Variants in LHFPL4 observed in about 807,000 individuals in gnomAD.
LHFPL4 encodes the protein LHFPL tetraspan subfamily member 4, also known as LHFPL tetraspan subfamily member 4 protein.
Under a neutral mutation model 20.0 loss-of-function variants are expected in LHFPL4, and 6 were observed. That is an observed-to-expected ratio of 0.30 (90% CI 0.16 to 0.59). LHFPL4 has a LOEUF of 0.59. Ranked by LOEUF, LHFPL4 falls within the 20% of genes least tolerant of loss-of-function variation. The pLI is 0.88. For synonymous variants in LHFPL4, 129 were observed against 143.8 expected, an observed-to-expected ratio of 0.90 and a Z score of 0.74; for missense variants, 215 against 331.2, an observed-to-expected ratio of 0.65 and a Z score of 2.72.
chr3:9,546,273 C>T (rs890151617), intron 2 of LHFPL4, among the ~76,000 whole-genome samples: 9 of 150,990 alleles, frequency 6.0e-5, no homozygotes, highest in Non-Finnish European at 5.9e-5. Context: ...TGAGATCGCA[C>T]CACTGCACTC....
intron 2 of LHFPL4, among the ~76,000 whole-genome samples, chr3:9,507,480 A>G (rs1392415300): frequency 6.6e-6 from 1 of 152,246 alleles, no homozygotes; most frequent in Non-Finnish European, 1.5e-5. Context: ...CAAAGTGTAA[A>G]GTGCCTGGCA....
Position 9,535,787 on chromosome 3 carries a change from C to T in LHFPL4, c.406+16487G>A, listed in dbSNP as rs560828774. On this transcript the variant is annotated intron_variant, in intron 2 of 3. Transcript: ENST00000287585. Reference sequence around the variant, plus strand: ...CTTGCTTGCTCGCTTGCTTGCTTTCCTATATTTTTATTTTCATTATAATTT... The same window carrying T: ...CTTGCTTGCTCGCTTGCTTGCTTTCTTATATTTTTATTTTCATTATAATTT... 4.0e-5 allele frequency among the ~76,000 whole-genome samples: 6 copies of T among 151,742 alleles called. No individual in the cohort carries two copies. The East Asian group carries it at 1.2e-3, about 30-fold the overall frequency.
intron 1 of LHFPL4, among the ~76,000 whole-genome samples, chr3:9,553,402 AG>A (rs1194033800): frequency 3.7e-5 from 3 of 80,986 alleles, no homozygotes; most frequent in Admixed American, 1.3e-4. Context: ...GGGGCGAGGA[AG>A]GGGGGGCTGT....
intron 3 of LHFPL4, 89 bp from the exon 4 acceptor site, chr3:9,502,400 A>G: frequency 1.0e-6 from 1 of 978,520 alleles, no homozygotes; most frequent in Non-Finnish European, 1.6e-6. Flanking sequence ...CACATTCCCC[A>G]GGGCACAAGT....
chr3:9,504,781 C>T (rs540768682), intron 3 of LHFPL4, among the ~76,000 whole-genome samples: 163 of 149,584 alleles, frequency 1.1e-3, no homozygotes, highest in Admixed American at 2.5e-3. Context: ...GTGGAGATCG[C>T]GCCACTGCAC....
rs766787734 is a variant in LHFPL4 at position 9,506,193 on chromosome 3, G to A, written c.417C>T (p.Leu139=). 6.8e-6 allele frequency: 11 copies of A among 1,613,782 alleles called. No individual in the cohort carries two copies. The highest frequency in any genetic ancestry group is 5.0e-5 in the Admixed American group (3 of 59,992). The change falls in exon 3 of 4, where the codon CTC becomes CTT. Residue 139 remains leucine (L), a synonymous_variant. Transcript: ENST00000287585. The surrounding 1 kb of genome is among the most constrained non-coding windows in gnomAD (Gnocchi z 4.5). The stretch of plus-strand genomic sequence containing the variant: ...CAGGAAAGATCATGCAGCCCAGGAC[G>A]AGGCACAGAGCTGAGGGGCAGAGCA... ...AWMQLLAALC[L]VLGCMIFPDG... is the part of the protein sequence containing the mutation.
intron 2 of LHFPL4, among the ~76,000 whole-genome samples, chr3:9,535,777 G>C (rs538160276): frequency 3.3e-4 from 50 of 152,088 alleles, no homozygotes; most frequent in African/African-American, 1.2e-3. Context: ...TTGCTCGCTT[G>C]CTTGCTTTCC....
chr3:9,506,877 GC>G lies in LHFPL4; in HGVS notation c.407-675del, dbSNP rs932687354. On this transcript the variant is annotated intron_variant, in intron 2 of 3. Coordinates refer to ENST00000287585, the MANE Select transcript of LHFPL4 (RefSeq NM_198560.3). The surrounding 1 kb of genome is among the most constrained non-coding windows in gnomAD (Gnocchi z 4.5). ...ATTATAGGAGTGAGCCACCACACCC[GC>G]CCTCATTGTTATTTTTTAAATTCTT... is the stretch of plus-strand genomic sequence containing the variant. Among the ~76,000 whole-genome samples, 10 of 152,090 alleles carry G rather than the reference GC, an allele frequency of 6.6e-5. No homozygotes were observed. The highest frequency in any genetic ancestry group is 2.4e-4 in the African/African-American group (10 of 41,432).
intron 2 of LHFPL4, among the ~76,000 whole-genome samples, chr3:9,520,083 A>G (rs1311268034): frequency 6.6e-6 from 1 of 152,108 alleles, no homozygotes; most frequent in Non-Finnish European, 1.5e-5. Flanking sequence ...TATGCATTCT[A>G]TGCTATAAAT....
At chr3:9,520,043 T>C (rs1180172073) in intron 2 of LHFPL4, among the ~76,000 whole-genome samples, 1 of 152,172 alleles carries the variant, frequency 6.6e-6, no homozygotes, top group African/African-American at 2.4e-5. Context: ...GCTTAAATGA[T>C]TGAGTTTAGA....
At chr3:9,546,041 C>A (rs1038391030) in intron 2 of LHFPL4, among the ~76,000 whole-genome samples, 21 of 152,130 alleles carry the variant, frequency 1.4e-4, no homozygotes, top group African/African-American at 5.1e-4. Context: ...GGGCCAGGTG[C>A]AGTGGCTCAC....
chr3:9,546,732 C>T (rs2046516220), intron 2 of LHFPL4, among the ~76,000 whole-genome samples: 2 of 152,188 alleles, frequency 1.3e-5, no homozygotes. Flanking sequence ...CAAGTCCAAA[C>T]TCTAAGTGTC....
Position 9,502,320 on chromosome 3 carries a change from G to C in LHFPL4, c.644-9C>G. ...TGTAGAGCCCACAAAATCTAAGAGA[G>C]AGAGAGAGAGAGAGAAGGAGAGAGA... On this transcript the variant is annotated splice_polypyrimidine_tract_variant and intron_variant, in intron 3 of 3. Coordinates refer to ENST00000287585, the MANE Select transcript of LHFPL4 (RefSeq NM_198560.3). The C allele has an allele frequency of 6.5e-7, 1 of 1,549,228 alleles. No homozygotes were observed. Among genetic ancestry groups the C allele is most frequent in the Middle Eastern group, 1.7e-4 (1 of 5,928 alleles).
intron 2 of LHFPL4, among the ~76,000 whole-genome samples, chr3:9,514,619 G>A (rs552057135): frequency 1.3e-5 from 2 of 152,278 alleles, no homozygotes; most frequent in South Asian, 4.2e-4. Flanking sequence ...ATCATACAGA[G>A]TATTTTCACT....
intron 1 of LHFPL4, 77 bp from the exon 2 acceptor site, chr3:9,552,924 G>GC (rs1324818019): frequency 7.1e-6 from 1 of 140,442 alleles, no homozygotes; most frequent in East Asian, 2.4e-4. Context: ...CTACTGGGGG[G>GC]CCTAGGAGGG....
intron 2 of LHFPL4, among the ~76,000 whole-genome samples, chr3:9,532,909 G>C (rs986969542): frequency 6.6e-5 from 10 of 152,212 alleles, no homozygotes; most frequent in African/African-American, 1.9e-4. Context: ...TGGAAGTTCA[G>C]CTATAGGGAA....
chr3:9,516,192 A>G (rs1261328652), intron 2 of LHFPL4, among the ~76,000 whole-genome samples: 1 of 152,024 alleles, frequency 6.6e-6, no homozygotes, highest in Non-Finnish European at 1.5e-5. Context: ...AGCTTTTTTT[A>G]GCCTATATTA....
At chr3:9,553,409 G>A (rs1017236615) in intron 1 of LHFPL4, among the ~76,000 whole-genome samples, 2 of 150,800 alleles carry the variant, frequency 1.3e-5, no homozygotes, top group African/African-American at 4.9e-5. Context: ...GGAAGGGGGG[G>A]CTGTCCTCAG....
chr3:9,553,076 G>A (rs1222933943), intron 1 of LHFPL4, among the ~76,000 whole-genome samples: 1 of 151,648 alleles, frequency 6.6e-6, no homozygotes, highest in East Asian at 1.9e-4. Context: ...ACAAGGGGAG[G>A]TGGAATGGAG....
Sources: gnomAD v4.1 joint callset for allele counts (sites outside exome capture counted in the v4.1 genomes callset) on GRCh38, gnomAD v4.1.1 for gene constraint, Gnocchi (gnomAD v3.1) non-coding constraint, MANE v1.5 for transcripts, NCBI Gene and HGNC (gene_info 2026-07-23, HGNC 2026-07-21) for gene names.